The following ARK2C variants were observed in gnomAD, a reference collection of about 807,000 sequenced individuals.
ARK2C encodes the protein E3 ubiquitin-protein ligase ARK2C.
chr18:46,381,775 G>C, the ARK2C span, among the ~76,000 whole-genome samples: 1 of 152,040 alleles, frequency 6.6e-6, no homozygotes. Context: ...AGGCTACAGT[G>C]AGCTAGGATT....
At chr18:46,388,529 T>G in the ARK2C span, among the ~76,000 whole-genome samples, 4 of 152,134 alleles carry the variant, frequency 2.6e-5, no homozygotes. Flanking sequence ...GTTTTTGTGG[T>G]GCACCTTGGC....
the ARK2C span, chr18:46,458,614 G>A: frequency 1.3e-5 from 2 of 152,474 alleles, no homozygotes; most frequent in African/African-American, 4.8e-5. Context: ...TTGGCTTGAG[G>A]AAGAGCTTCT....
the ARK2C span, among the ~76,000 whole-genome samples, chr18:46,379,026 GC>G: frequency 1.3e-5 from 2 of 152,222 alleles, no homozygotes; most frequent in African/African-American, 2.4e-5. Flanking sequence ...TAGGGAAGGA[GC>G]GGGGCACCAG....
the ARK2C span, among the ~76,000 whole-genome samples, chr18:46,404,014 C>T: frequency 6.6e-6 from 1 of 152,210 alleles, no homozygotes; most frequent in Non-Finnish European, 1.5e-5. Context: ...TTCCCTCTTT[C>T]CCCCCTTTCT....
At chr18:46,340,437 G>GTATCCCCC in the ARK2C span, among the ~76,000 whole-genome samples, 1,447 of 152,282 alleles carry the variant, frequency 9.5e-3, 5 homozygotes, top group Non-Finnish European at 0.014. Flanking sequence ...CTTACTTGGG[G>GTATCCCCC]CCAAACACTG....
At chr18:46,423,495 C>T in the ARK2C span, among the ~76,000 whole-genome samples, 1 of 152,182 alleles carries the variant, frequency 6.6e-6, no homozygotes, top group Admixed American at 6.5e-5. Flanking sequence ...GAGGTGGTAC[C>T]ACCAGGACCA....
At chr18:46,402,555 C>G in the ARK2C span, among the ~76,000 whole-genome samples, 8 of 152,186 alleles carry the variant, frequency 5.3e-5, no homozygotes, top group Non-Finnish European at 8.8e-5. Flanking sequence ...CTCTGTCACC[C>G]ACGCTGGAGT....
chr18:46,423,566 C>T, the ARK2C span, among the ~76,000 whole-genome samples: 2 of 152,256 alleles, frequency 1.3e-5, no homozygotes, highest in South Asian at 2.1e-4. Context: ...GGGCATACCA[C>T]GTGGAGACGT....
the ARK2C span, among the ~76,000 whole-genome samples, chr18:46,349,392 C>A: frequency 2.0e-5 from 3 of 152,320 alleles, no homozygotes; most frequent in East Asian, 5.8e-4. Flanking sequence ...TATAACGGCA[C>A]TAATTCCATT....
At chr18:46,337,805 C>CT in the ARK2C span, among the ~76,000 whole-genome samples, 1,067 of 132,516 alleles carry the variant, frequency 8.1e-3, 5 homozygotes, top group African/African-American at 0.02. Context: ...TTTTACTTTA[C>CT]TTTTTTTTTT....
the ARK2C span, among the ~76,000 whole-genome samples, chr18:46,427,788 G>A: frequency 6.6e-6 from 1 of 152,236 alleles, no homozygotes; most frequent in Non-Finnish European, 1.5e-5. Context: ...GGGGCGGCCA[G>A]TGTGAAGAGA....
At chr18:46,404,288 G>A in the ARK2C span, among the ~76,000 whole-genome samples, 1 of 152,166 alleles carries the variant, frequency 6.6e-6, no homozygotes, top group African/African-American at 2.4e-5. Flanking sequence ...TATGCTGGAT[G>A]GCTCGCTTCC....
chr18:46,339,069 G>C, the ARK2C span, among the ~76,000 whole-genome samples: 1 of 152,234 alleles, frequency 6.6e-6, no homozygotes. Flanking sequence ...GACACACATG[G>C]ATGTTCCCAG....
chr18:46,412,757 G>GT, the ARK2C span, among the ~76,000 whole-genome samples: 3 of 152,198 alleles, frequency 2.0e-5, no homozygotes, highest in Non-Finnish European at 4.4e-5. Flanking sequence ...CCTCGGGCAG[G>GT]TACGGAGATG....
the ARK2C span, chr18:46,336,396 C>T: frequency 1.0e-6 from 1 of 985,160 alleles, no homozygotes; most frequent in South Asian, 4.7e-5. Flanking sequence ...AAAAAAAATC[C>T]AACAACACAA....
the ARK2C span, among the ~76,000 whole-genome samples, chr18:46,402,778 G>C: frequency 6.6e-6 from 1 of 152,198 alleles, no homozygotes; most frequent in Non-Finnish European, 1.5e-5. Flanking sequence ...TGGGATTGCA[G>C]GCATGAGCCA....
chr18:46,419,965 C>T, the ARK2C span, among the ~76,000 whole-genome samples: 1 of 152,192 alleles, frequency 6.6e-6, no homozygotes, highest in South Asian at 2.1e-4. Flanking sequence ...TCATGCACAC[C>T]TCCCCTCCCC....
the ARK2C span, among the ~76,000 whole-genome samples, chr18:46,454,385 C>A: frequency 6.6e-6 from 1 of 152,006 alleles, no homozygotes; most frequent in African/African-American, 2.4e-5. Context: ...CTTAAGCAGG[C>A]AGATCATCAT....
At chr18:46,361,604 G>C in the ARK2C span, among the ~76,000 whole-genome samples, 1 of 152,188 alleles carries the variant, frequency 6.6e-6, no homozygotes, top group Non-Finnish European at 1.5e-5. Flanking sequence ...CTTGATCCTT[G>C]TTAATGTTCT....
Sources: gnomAD v4.1 joint callset for allele counts (sites outside exome capture counted in the v4.1 genomes callset) on GRCh38, gnomAD v4.1.1 for gene constraint, MANE v1.5 for transcripts, NCBI Gene and HGNC (gene_info 2026-07-23, HGNC 2026-07-21) for gene names.